The following CDH4 variants were observed in gnomAD, a reference collection of about 807,000 sequenced individuals.
CDH4 encodes cadherin-4.
A neutral mutation model predicts 86.0 loss-of-function variants in CDH4; 33 were observed. The observed-to-expected ratio is 0.38, with a 90% confidence interval of 0.29 to 0.51. The LOEUF is 0.51. Among genes scored for constraint, CDH4 ranks in the 20% least tolerant of loss-of-function variants. The pLI is 0.86. For synonymous variants in CDH4, 555 were observed against 549.4 expected (o/e 1.01, Z -0.14); for missense variants, 1,114 against 1,307.4 (o/e 0.85, Z 2.28).
chr20:61,383,499 T>G (rs1231525893), intron 2 of CDH4, among the ~76,000 whole-genome samples: 1 of 59,776 alleles, frequency 1.7e-5, no homozygotes, highest in African/African-American at 8.6e-5. Flanking sequence ...TGAAATATAT[T>G]ATATATGATA....
Position 61,583,107 on chromosome 20 carries a change from G to A in CDH4, c.170-160456G>A, listed in dbSNP as rs73138614. 4.7e-3 allele frequency among the ~76,000 whole-genome samples: 701 copies of A among 149,910 alleles called. 2 individuals carry two copies. The highest frequency in any genetic ancestry group is 8.2e-3 in the Non-Finnish European group (552 of 67,606). On this transcript the variant is annotated intron_variant, in intron 2 of 15. Transcript: ENST00000614565. Reference sequence around the variant, plus strand: ...TCAGAGGGGAGGTGAAGAGAAGAGGGTACCGTGCAACAGAAGGCTCTGCGG... The same window carrying A: ...TCAGAGGGGAGGTGAAGAGAAGAGGATACCGTGCAACAGAAGGCTCTGCGG...
chr20:61,387,783 C>T (rs62199079), intron 2 of CDH4, among the ~76,000 whole-genome samples: 21,807 of 152,100 alleles, frequency 0.14, 1,688 homozygotes, highest in Non-Finnish European at 0.16. Flanking sequence ...AGCTTTTCCG[C>T]AGTGAGAGCA....
intron 9 of CDH4, among the ~76,000 whole-genome samples, chr20:61,920,481 G>A (rs150163660): frequency 8.0e-4 from 121 of 150,502 alleles, no homozygotes; most frequent in Non-Finnish European, 1.2e-3. Context: ...GCAGTGTCAC[G>A]GTGATTGTGT....
At chr20:61,456,880 C>T (rs138789318) in intron 2 of CDH4, among the ~76,000 whole-genome samples, 5 of 152,286 alleles carry the variant, frequency 3.3e-5, no homozygotes, top group Non-Finnish European at 7.4e-5. Flanking sequence ...AGGAGAACTT[C>T]TCCTGGGGGT....
At position 61,389,344 on chromosome 20, in the gene CDH4, T is replaced by G. The variant is rs185838632; in HGVS notation, c.169+134407T>G. ...ATGTCCATGTGCCGCTGGGCATTTCTGGCACTTCGCACAGCTCCTAAACAT... is the reference window on the plus strand; with the variant it reads ...ATGTCCATGTGCCGCTGGGCATTTCGGGCACTTCGCACAGCTCCTAAACAT... On this transcript the variant is annotated intron_variant, in intron 2 of 15. Transcript: ENST00000614565. Among the ~76,000 whole-genome samples the G allele has an allele frequency of 2.8e-3, 434 of 152,372 alleles. 1 individual carries two copies. The highest frequency in any genetic ancestry group is 5.2e-3 in the Non-Finnish European group (355 of 68,030).
At chr20:61,519,968 G>A (rs894152503) in intron 2 of CDH4, among the ~76,000 whole-genome samples, 6 of 152,278 alleles carry the variant, frequency 3.9e-5, no homozygotes, top group South Asian at 2.1e-4. Flanking sequence ...CCTGTTCCCC[G>A]AAAGGCTCAG....
chr20:61,876,983 G>A (rs376187308), intron 7 of CDH4, among the ~76,000 whole-genome samples: 1 of 152,152 alleles, frequency 6.6e-6, no homozygotes, highest in South Asian at 2.1e-4. Flanking sequence ...AGTTAGTATG[G>A]GTGCAGGCTC....
Position 61,567,189 on chromosome 20 carries a change from C to T in CDH4, c.170-176374C>T, listed in dbSNP as rs375549419. Among the ~76,000 whole-genome samples the T allele has an allele frequency of 2.0e-4, 30 of 152,314 alleles. No individual in the cohort carries two copies. The South Asian group carries it at 5.0e-3, about 25-fold the overall frequency. On this transcript the variant is annotated intron_variant, in intron 2 of 15. Transcript: ENST00000614565. ...CAGAAAATTCCGAAAGCTGACAGCA[C>T]GCAGCTGGGCACCTGTCTCCGAGCC...
At chr20:61,713,082 A>T (rs1222969650) in intron 2 of CDH4, among the ~76,000 whole-genome samples, 1 of 152,204 alleles carries the variant, frequency 6.6e-6, no homozygotes, top group Non-Finnish European at 1.5e-5. Context: ...TTCTGGCCCC[A>T]TCTTCCCATC....
intron 2 of CDH4, chr20:61,600,032 T>A: frequency 1.2e-6 from 1 of 839,552 alleles, no homozygotes; most frequent in Non-Finnish European, 1.4e-6. Context: ...GGGTTTATTA[T>A]AATTTAAGAG....
chr20:61,692,840 T>C (rs2087674353), intron 2 of CDH4, among the ~76,000 whole-genome samples: 1 of 145,344 alleles, frequency 6.9e-6, no homozygotes, highest in African/African-American at 2.7e-5. Flanking sequence ...TTTTGTTTTT[T>C]GTTTTTTTTT....
intron 4 of CDH4, among the ~76,000 whole-genome samples, chr20:61,841,279 G>GGGCTGGTGGGCTCTGTACTCC (rs1273856717): frequency 6.6e-6 from 1 of 152,220 alleles, no homozygotes; most frequent in African/African-American, 2.4e-5. Flanking sequence ...CCGGACGGCG[G>GGGCTGGTGGGCTCTGTACTCC]GGCTGGTGGG....
chr20:61,332,942 C>T (rs1044854050), intron 2 of CDH4, among the ~76,000 whole-genome samples: 16 of 152,202 alleles, frequency 1.1e-4, no homozygotes, highest in East Asian at 9.7e-4. Flanking sequence ...TCACAGGCCC[C>T]GAGAGCCTCT....
chr20:61,639,663 T>C (rs552449941), intron 2 of CDH4, among the ~76,000 whole-genome samples: 1 of 152,174 alleles, frequency 6.6e-6, no homozygotes, highest in South Asian at 2.1e-4. Flanking sequence ...CTCTGCATGG[T>C]TTTAAAGAGA....
intron 2 of CDH4, among the ~76,000 whole-genome samples, chr20:61,492,534 G>C (rs1368958637): frequency 2.6e-5 from 4 of 152,174 alleles, no homozygotes; most frequent in Non-Finnish European, 4.4e-5. Flanking sequence ...TGATGTTCCT[G>C]ATGCTGATGA....
chr20:61,377,099 G>C lies in CDH4; in HGVS notation c.169+122162G>C, dbSNP rs10432764. On this transcript the variant is annotated intron_variant, in intron 2 of 15. Transcript: ENST00000614565. The surrounding 1 kb of genome is among the most constrained non-coding windows in gnomAD (Gnocchi z 4.0). ...GGCGGCTGCTGTCCTTCAAGTCTGC[G>C]TTGCCAAGGTAACTGGGGATTTGGA... 5.3e-5 allele frequency among the ~76,000 whole-genome samples: 8 copies of C among 152,100 alleles called. No individual in the cohort carries two copies. The highest frequency in any genetic ancestry group is 1.7e-4 in the African/African-American group (7 of 41,424).
chr20:61,793,850 AAAAAGAGGCCAGGTAC>A (rs1979364279), intron 4 of CDH4, among the ~76,000 whole-genome samples: 1 of 146,508 alleles, frequency 6.8e-6, no homozygotes, highest in Admixed American at 6.9e-5. Flanking sequence ...AAAAAAAAAA[AAAAAGAGGCCAGGTAC>A]GGTGGCTCAC....
intron 15 of CDH4, among the ~76,000 whole-genome samples, chr20:61,934,724 C>G (rs1310284529): frequency 6.8e-6 from 1 of 147,084 alleles, no homozygotes; most frequent in Non-Finnish European, 1.5e-5. Flanking sequence ...CTTGCCCCCC[C>G]TCCCCACCCC....
chr20:61,521,294 G>C (rs1308003200), intron 2 of CDH4, among the ~76,000 whole-genome samples: 2 of 152,202 alleles, frequency 1.3e-5, no homozygotes, highest in Admixed American at 1.3e-4. Flanking sequence ...CCTCTGAGAG[G>C]AGGGGCAGCT....
Sources: gnomAD v4.1 joint callset for allele counts (sites outside exome capture counted in the v4.1 genomes callset) on GRCh38, gnomAD v4.1.1 for gene constraint, Gnocchi (gnomAD v3.1) non-coding constraint, MANE v1.5 for transcripts, NCBI Gene and HGNC (gene_info 2026-07-23, HGNC 2026-07-21) for gene names.